Variants in DNMT3A observed in about 807,000 individuals in gnomAD.
The protein encoded by DNMT3A is DNA (cytosine-5)-methyltransferase 3A.
Under a neutral mutation model 117.6 loss-of-function variants are expected in DNMT3A, and 267 were observed. The observed-to-expected ratio is 2.27, with a 90% confidence interval of 2.05 to 2.51. The LOEUF (loss-of-function observed/expected upper bound fraction) is 2.51, where lower values mean the gene tolerates loss of function less well. Among genes scored for constraint, DNMT3A ranks in the 30% most tolerant of loss-of-function variants. DNMT3A has a pLI of 0.00. For missense variants in DNMT3A, 1,029 were observed against 1,260.2 expected, an observed-to-expected ratio of 0.82 and a Z score of 2.78; for synonymous variants, 432 against 474.8, an observed-to-expected ratio of 0.91 and a Z score of 1.17.
At chr2:25,335,441 C>T (rs2035174905) in intron 1 of DNMT3A, among the ~76,000 whole-genome samples, 1 of 152,210 alleles carries the variant, frequency 6.6e-6, no homozygotes, top group Non-Finnish European at 1.5e-5. Context: ...CGAAGGCCTC[C>T]TGCCCCCAGA....
rs1178258952 is a variant in DNMT3A, at chr2:25,240,336, A to T, written c.2288T>A (p.Val763Asp). The change falls in exon 19 of 23, where the codon GTT becomes GAT. Residue 763 changes from valine to aspartate, a missense_variant. Physicochemically the swap from Val to Asp is radical, Grantham distance 152. Transcript: ENST00000321117. Reference protein sequence around the residue: ...WLFENVVAMGVSDKRDISRFL... With the variant: ...WLFENVVAMGDSDKRDISRFL... ...TCGCGAGATGTCCCTCTTGTCACTA[A>T]CGCCCATGGCCACCACATTCTCAAA... 6.2e-7 allele frequency: 1 copy of T among 1,614,172 alleles called. No individual in the cohort carries two copies. Among genetic ancestry groups the T allele is most frequent in the Non-Finnish European group, 8.5e-7 (1 of 1,180,028 alleles).
intron 10 of DNMT3A, 103 bp downstream of exon 10, chr2:25,246,517 T>TC: frequency 6.6e-7 from 1 of 1,508,262 alleles, no homozygotes; most frequent in East Asian, 2.3e-5. Context: ...ACTGGGCCCC[T>TC]CTGTGGAGGC....
Position 25,237,015 on chromosome 2 carries a change from A to T in DNMT3A, c.2409-10T>A, listed in dbSNP as rs1273968973. ...AGTGGATGCCAACGGCCTAGGAGGC[A>T]GAAGAGAGACTGTAACAACAGAAAC... On this transcript the variant is annotated splice_polypyrimidine_tract_variant and intron_variant, in intron 20 of 22. Coordinates refer to ENST00000321117, the MANE Select transcript of DNMT3A (RefSeq NM_022552.5). The surrounding 1 kb of genome is among the most constrained non-coding windows in gnomAD (Gnocchi z 5.4). 2 of 1,613,434 alleles carry T rather than the reference A, an allele frequency of 1.2e-6. No homozygotes were observed. Among genetic ancestry groups the T allele is most frequent in the Non-Finnish European group, 8.5e-7 (1 of 1,179,888 alleles).
In DNMT3A at chr2:25,254,210, G is replaced by A. The variant is rs910331059; in HGVS notation, c.640-5958C>T. Among the ~76,000 whole-genome samples, 4 of 151,914 alleles carry A rather than the reference G, an allele frequency of 2.6e-5. No individual in the cohort carries two copies. Among genetic ancestry groups the A allele is most frequent in the Non-Finnish European group, 5.9e-5 (4 of 68,000 alleles). On this transcript the variant is annotated intron_variant, in intron 6 of 22. Transcript: ENST00000321117. This position sits in a 1 kb window ranked among gnomAD's most constrained non-coding sequence, Gnocchi z 4.7. ...CATCAGCCCTCTTTGGCCATGGAAC[G>A]CCACCATCTCCTAATGACAATGAGA...
chr2:25,309,225 C>G (rs1265541154), intron 2 of DNMT3A, among the ~76,000 whole-genome samples: 1 of 152,152 alleles, frequency 6.6e-6, no homozygotes, highest in Non-Finnish European at 1.5e-5. Flanking sequence ...CCTTGCGGAG[C>G]CCTGCTACAT....
intron 6 of DNMT3A, among the ~76,000 whole-genome samples, chr2:25,251,103 G>A (rs1483974496): frequency 1.3e-5 from 2 of 150,056 alleles, no homozygotes; most frequent in Non-Finnish European, 3.0e-5. Context: ...TGGCGGAGGA[G>A]GAAGGGGCCT....
rs1672846676 is a variant in DNMT3A at position 25,230,925 on chromosome 2, T to A, written c.*3354A>T. 6.6e-6 allele frequency: 1 copy of A among 150,402 alleles called. No individual in the cohort carries two copies. The highest frequency in any genetic ancestry group is 2.1e-4 in the South Asian group (1 of 4,778). The allele number at this position is 150,402 out of a possible 1,614,324, so 9.3% of individuals were successfully genotyped here. On this transcript the variant is annotated 3_prime_UTR_variant, in exon 23 of 23. Transcript: ENST00000321117. The stretch of plus-strand genomic sequence containing the variant: ...CTCCTCTGTGCCCAGCACTCCCTCC[T>A]CGAGCAAGCCGGCCCACAGGAATCC...
rs2032912395 is a variant in DNMT3A at position 25,293,562 on chromosome 2, C to T, written c.177+6577G>A. Among the ~76,000 whole-genome samples, 1 of 152,156 alleles carries T rather than the reference C, an allele frequency of 6.6e-6. No individual in the cohort carries two copies. The highest frequency in any genetic ancestry group is 1.5e-5 in the Non-Finnish European group (1 of 68,032). On this transcript the variant is annotated intron_variant, in intron 3 of 22. Coordinates refer to ENST00000321117, the MANE Select transcript of DNMT3A (RefSeq NM_022552.5). The surrounding 1 kb of genome is among the most constrained non-coding windows in gnomAD (Gnocchi z 4.7). ...GGAGTGCAGTGACACAATTATGGCT[C>T]ACTGCAGCCTCAACCTCCCGGGGTC...
chr2:25,287,316 G>C (rs536460846), intron 3 of DNMT3A, among the ~76,000 whole-genome samples: 1 of 152,008 alleles, frequency 6.6e-6, no homozygotes, highest in Non-Finnish European at 1.5e-5. Flanking sequence ...CTCCTCCCGT[G>C]GGGGGCCAGA....
At chr2:25,328,514 C>G (rs1359789761) in intron 1 of DNMT3A, 3 of 404,608 alleles carry the variant, frequency 7.4e-6, no homozygotes, top group African/African-American at 6.1e-5. Flanking sequence ...GTGTTCCATG[C>G]GTATATAGAT....
chr2:25,273,458 C>G (rs552685022), intron 6 of DNMT3A, among the ~76,000 whole-genome samples: 1 of 152,144 alleles, frequency 6.6e-6, no homozygotes, highest in Non-Finnish European at 1.5e-5. Flanking sequence ...CAAACAGGGC[C>G]GCCTTCCCCT....
At position 25,298,315 on chromosome 2, in the gene DNMT3A, C is replaced by T. The variant is rs2033218067; in HGVS notation, c.177+1824G>A. 6.6e-6 allele frequency among the ~76,000 whole-genome samples: 1 copy of T among 152,178 alleles called. No individual in the cohort carries two copies. Among genetic ancestry groups the T allele is most frequent in the Non-Finnish European group, 1.5e-5 (1 of 68,030 alleles). On this transcript the variant is annotated intron_variant, in intron 3 of 22. Transcript: ENST00000321117. This position sits in a 1 kb window ranked among gnomAD's most constrained non-coding sequence, Gnocchi z 4.3. ...CCTCACTCGGCTGTGCCCCTCTTCT[C>T]TGTCATTGTCTAGGTGATGTCCCCA... is the stretch of plus-strand genomic sequence containing the variant.
chr2:25,316,190 C>T (rs755236843), intron 1 of DNMT3A, among the ~76,000 whole-genome samples: 12 of 152,174 alleles, frequency 7.9e-5, no homozygotes, highest in African/African-American at 1.2e-4. Context: ...TTGATGCTGC[C>T]CTAGGCTTAG....
chr2:25,263,323 T>C (rs1676766892), intron 6 of DNMT3A, among the ~76,000 whole-genome samples: 3 of 152,114 alleles, frequency 2.0e-5, no homozygotes, highest in South Asian at 4.1e-4. Context: ...TTATGCTTCA[T>C]GTTGGGCTCT....
intron 6 of DNMT3A, among the ~76,000 whole-genome samples, chr2:25,266,081 T>C (rs2030311455): frequency 6.6e-6 from 1 of 152,212 alleles, no homozygotes; most frequent in South Asian, 2.1e-4. Flanking sequence ...GTGAAGACTC[T>C]GGTGCGCAAC....
chr2:25,328,746 G>GC, intron 1 of DNMT3A: 1 of 491,758 alleles, frequency 2.0e-6, no homozygotes, highest in Middle Eastern at 3.7e-4. Context: ...GCTTGGCAGA[G>GC]CCCCCAAGGC....
Position 25,252,034 on chromosome 2 carries a change from C to T in DNMT3A, c.640-3782G>A. 2 of 912,630 alleles carry T rather than the reference C, an allele frequency of 2.2e-6. No homozygotes were observed. The highest frequency in any genetic ancestry group is 3.2e-5 in the East Asian group (1 of 31,594). 56.5% of individuals were successfully genotyped at this position (912,630 alleles called of 1,614,324 possible). ...GGAAGGCGGCGGGCCAGCACTAAGT[C>T]AGCATCTCCAGAACTCGGGCCAGGC... is the stretch of plus-strand genomic sequence containing the variant. On this transcript the variant is annotated intron_variant, in intron 6 of 22. Transcript: ENST00000321117. The surrounding 1 kb of genome is among the most constrained non-coding windows in gnomAD (Gnocchi z 5.5).
At chr2:25,309,770 T>C (rs1223833127) in intron 2 of DNMT3A, among the ~76,000 whole-genome samples, 2 of 152,132 alleles carry the variant, frequency 1.3e-5, no homozygotes, top group African/African-American at 2.4e-5. Context: ...TTAAATAAGA[T>C]AGGCCCGGCG....
intron 20 of DNMT3A, among the ~76,000 whole-genome samples, chr2:25,238,597 T>C (rs1415336020): frequency 2.6e-5 from 4 of 152,226 alleles, no homozygotes; most frequent in African/African-American, 4.8e-5. Flanking sequence ...TTCCTAGATA[T>C]TAAAATCTTT....
Sources: gnomAD v4.1 joint callset for allele counts (sites outside exome capture counted in the v4.1 genomes callset) on GRCh38, gnomAD v4.1.1 for gene constraint, Gnocchi (gnomAD v3.1) non-coding constraint, MANE v1.5 for transcripts, NCBI Gene and HGNC (gene_info 2026-07-23, HGNC 2026-07-21) for gene names.